The following MLXIP variants were observed in gnomAD, a reference collection of about 807,000 sequenced individuals.
MLXIP encodes the protein MLX-interacting protein.
MLXIP carries 30 observed loss-of-function variants against 87.2 expected under a neutral mutation model. That is an observed-to-expected ratio of 0.34 (90% confidence interval 0.26 to 0.47). The LOEUF (loss-of-function observed/expected upper bound fraction) is 0.47, where lower values mean the gene tolerates loss of function less well. MLXIP is among the 20% of genes least tolerant of loss of function. The pLI, the probability that MLXIP is intolerant of heterozygous loss-of-function variation, is 1.00. For synonymous variants in MLXIP, 530 were observed against 514.0 expected (o/e 1.03, Z -0.42); for missense variants, 1,002 against 1,240.1 (o/e 0.81, Z 2.88).
Position 122,098,915 on chromosome 12 carries a change from G to A in MLXIP, c.413+19649G>A, listed in dbSNP as rs958248614. On this transcript the variant is annotated intron_variant, in intron 1 of 16. Coordinates refer to ENST00000319080, the MANE Select transcript of MLXIP (RefSeq NM_014938.6). ...TGCCTCCCTGCTCAGCAGGAGCAGC[G>A]GGAACAGCGTCTTAGGACAGTGAGT... Among the ~76,000 whole-genome samples, 20 of 152,306 alleles carry A rather than the reference G, an allele frequency of 1.3e-4. No individual in the cohort carries two copies. In the South Asian group the frequency reaches 3.5e-3, roughly 27 times the overall value.
intron 1 of MLXIP, among the ~76,000 whole-genome samples, chr12:122,095,173 T>A (rs1952332954): frequency 7.0e-6 from 1 of 142,444 alleles, no homozygotes; most frequent in Admixed American, 7.0e-5. Context: ...GTGTGGTGAG[T>A]GCGGTGTGGT....
chr12:122,115,469 A>G (rs979139199), intron 1 of MLXIP, among the ~76,000 whole-genome samples: 6 of 151,368 alleles, frequency 4.0e-5, no homozygotes, highest in Non-Finnish European at 7.4e-5. Flanking sequence ...GGCACCTGTC[A>G]TCCCAACTAC....
At chr12:122,130,195 G>C in intron 6 of MLXIP, 83 bp downstream of exon 6, 1 of 1,401,586 alleles carries the variant, frequency 7.1e-7, no homozygotes, top group South Asian at 1.3e-5. Context: ...GGTTCCTTCA[G>C]GGCCATCTCT....
In MLXIP at chr12:122,098,204, G is replaced by A. The variant is rs535243551; in HGVS notation, c.413+18938G>A. 2.0e-5 allele frequency among the ~76,000 whole-genome samples: 3 copies of A among 152,336 alleles called. No homozygotes were observed. The South Asian group carries it at 6.2e-4, about 32-fold the overall frequency. ...CTGATTGGTAAAATAGGGATGAAGC[G>A]AGCAGGGCAGGGTGTGGTGTGAGAA... On this transcript the variant is annotated intron_variant, in intron 1 of 16. Transcript: ENST00000319080.
chr12:122,087,600 G>T (rs978857354), intron 1 of MLXIP, among the ~76,000 whole-genome samples: 2 of 152,234 alleles, frequency 1.3e-5, no homozygotes, highest in African/African-American at 4.8e-5. Flanking sequence ...TGGTCAGAAT[G>T]TAGAGGGCAG....
chr12:122,102,560 A>G (rs542988709), intron 1 of MLXIP, among the ~76,000 whole-genome samples: 194 of 152,318 alleles, frequency 1.3e-3, no homozygotes, highest in Admixed American at 0.012. Context: ...CTTCCTAAGA[A>G]TCTCCCCAAG....
At chr12:122,114,051 T>C (rs1474192243) in intron 1 of MLXIP, among the ~76,000 whole-genome samples, 1 of 134,872 alleles carries the variant, frequency 7.4e-6, no homozygotes, top group East Asian at 2.6e-4. Flanking sequence ...AATGGCACAA[T>C]CTTGGCTCAC....
intron 1 of MLXIP, among the ~76,000 whole-genome samples, chr12:122,093,786 GTGTC>G (rs1393021106): frequency 2.1e-5 from 3 of 140,672 alleles, no homozygotes; most frequent in Non-Finnish European, 4.7e-5. Flanking sequence ...TGTATTTGCA[GTGTC>G]TGTGTGTGTC....
chr12:122,112,318 A>C (rs2135943706), intron 1 of MLXIP, among the ~76,000 whole-genome samples: 1 of 152,302 alleles, frequency 6.6e-6, no homozygotes, highest in East Asian at 1.9e-4. Context: ...GATGAATCAG[A>C]GTTATGTAAA....
intron 1 of MLXIP, 27 bp downstream of exon 1, chr12:122,079,293 C>T (rs1476014559): frequency 1.3e-6 from 2 of 1,540,144 alleles, no homozygotes; most frequent in Non-Finnish European, 1.8e-6. Flanking sequence ...CCCCCTGAGG[C>T]CCCGGCCGGA....
rs1953077412 is a variant in MLXIP, at chr12:122,135,658, C to T, written c.2024C>T (p.Thr675Ile). Residue 675 changes from threonine (T) to isoleucine (I), a missense_variant, in exon 11 of 17, where the codon ACA becomes ATA. Thr to Ile is a moderately conservative substitution (Grantham distance 89). Transcript: ENST00000319080. This position sits in a 1 kb window ranked among gnomAD's most constrained non-coding sequence, Gnocchi z 5.3. ...GGGGGCAGCCCCCAGGTCACTGTCA[C>T]AGGGCCCAGTGAGTGTTCACTCGGC... ...LHGGSPQVTVTGPSRDCPNSG... is the reference protein window; with the variant it reads ...LHGGSPQVTVIGPSRDCPNSG... The T allele has an allele frequency of 2.0e-6, 3 of 1,511,822 alleles. No homozygotes were observed. Among genetic ancestry groups the T allele is most frequent in the African/African-American group, 1.4e-5 (1 of 72,324 alleles). 93.7% of individuals were successfully genotyped at this position (1,511,822 alleles called of 1,614,324 possible).
At chr12:122,100,120 G>A (rs1326130900) in intron 1 of MLXIP, among the ~76,000 whole-genome samples, 1 of 151,982 alleles carries the variant, frequency 6.6e-6, no homozygotes, top group Admixed American at 6.6e-5. Context: ...GGTGAACAGA[G>A]CTGGGTGGTC....
chr12:122,105,392 G>A (rs1208036398), intron 1 of MLXIP, among the ~76,000 whole-genome samples: 1 of 151,600 alleles, frequency 6.6e-6, no homozygotes, highest in Non-Finnish European at 1.5e-5. Context: ...TTGTTGCCCA[G>A]GCTGGAGTGC....
At chr12:122,117,844 G>A (rs1952716812) in intron 1 of MLXIP, among the ~76,000 whole-genome samples, 1 of 152,140 alleles carries the variant, frequency 6.6e-6, no homozygotes, top group South Asian at 2.1e-4. Flanking sequence ...CACAGTAAGA[G>A]ATTAACAACA....
Position 122,141,751 on chromosome 12 carries a change from A to G in MLXIP, c.2699A>G (p.Gln900Arg). The G allele has an allele frequency of 6.2e-7, 1 of 1,613,930 alleles. No homozygotes were observed. The highest frequency in any genetic ancestry group is 8.5e-7 in the Non-Finnish European group (1 of 1,179,904). ...TSTSILTDPA[Q>R]LPEQASKAVT... ...ACCTCCATCCTCACAGACCCGGCAC[A>G]GCTGCCAGAGCAGGCGTCCAAGGCT... The change falls in exon 17 of 17, where the codon CAG (glutamine) becomes CGG (arginine). Residue 900 changes from glutamine to arginine, a missense_variant. Gln to Arg is a conservative substitution (Grantham distance 43). Coordinates refer to ENST00000319080, the MANE Select transcript of MLXIP (RefSeq NM_014938.6).
intron 1 of MLXIP, among the ~76,000 whole-genome samples, chr12:122,123,332 T>G (rs1205284740): frequency 6.6e-6 from 1 of 152,112 alleles, no homozygotes; most frequent in Non-Finnish European, 1.5e-5. Flanking sequence ...GTGGCTGGTT[T>G]GTTTGGATTT....
rs1406582753 is a variant in MLXIP, at chr12:122,137,574, A to G, written c.2138A>G (p.Asn713Ser). 4 of 1,613,840 alleles carry G rather than the reference A, an allele frequency of 2.5e-6. No homozygotes were observed. The highest frequency in any genetic ancestry group is 3.4e-6 in the Non-Finnish European group (4 of 1,179,824). The change falls in exon 12 of 17, where the codon AAT becomes AGT. Residue 713 changes from asparagine (N) to serine (S), a missense_variant. Around this residue, in one of 3 missense-constraint regions of MLXIP, gnomAD observed 746 missense variants for 897.0 expected, o/e 0.83. Transcript: ENST00000319080. This position sits in a 1 kb window ranked among gnomAD's most constrained non-coding sequence, Gnocchi z 4.1. ...NNCSGKSDPK[N>S]VAALKNRQMK... ...TGCTCAGGGAAATCCGACCCCAAAA[A>G]TGTGGCTGCACTAAAGGTACCGCAT...
chr12:122,125,121 G>A (rs1386385857), intron 1 of MLXIP, among the ~76,000 whole-genome samples: 3 of 152,074 alleles, frequency 2.0e-5, no homozygotes, highest in Non-Finnish European at 2.9e-5. Context: ...AGCTGAGGTC[G>A]CGCCATTGCA....
intron 1 of MLXIP, among the ~76,000 whole-genome samples, chr12:122,118,834 G>T (rs1362890634): frequency 7.3e-6 from 1 of 137,508 alleles, no homozygotes; most frequent in Admixed American, 7.4e-5. Context: ...GACAGAGTGA[G>T]ACTCCCATCT....
Sources: allele counts gnomAD v4.1 joint callset (sites outside exome capture counted in the v4.1 genomes callset), GRCh38; gene constraint gnomAD v4.1.1; regional missense constraint gnomAD v4.1.1; non-coding constraint Gnocchi (gnomAD v3.1); transcripts MANE v1.5; gene names NCBI Gene and HGNC (gene_info 2026-07-23, HGNC 2026-07-21).